Variants in PCNX1 observed in about 807,000 individuals in gnomAD.
PCNX1 encodes pecanex-like protein 1.
In PCNX1, 78 loss-of-function variants were observed where a neutral mutation model predicts 242.2. That is an observed-to-expected ratio of 0.32 (90% CI 0.27 to 0.39). PCNX1 has a LOEUF of 0.39. Ranked by LOEUF, PCNX1 falls within the 10% of genes least tolerant of loss-of-function variation. The probability of loss-of-function intolerance (pLI) is 1.00; values close to 1 mark genes in which losing one functional copy is unlikely to be tolerated. For synonymous variants in PCNX1, 1,024 were observed against 1,032.9 expected, an observed-to-expected ratio of 0.99 and a Z score of 0.17; for missense variants, 2,581 against 2,856.5, an observed-to-expected ratio of 0.90 and a Z score of 2.20.
intron 16 of PCNX1, chr14:71,032,046 G>C: frequency 1.3e-6 from 1 of 764,312 alleles, no homozygotes; most frequent in Admixed American, 2.0e-5. Context: ...AGAGTGGAAA[G>C]ATTAATAGAC....
At chr14:71,077,676 G>A (rs1204867781) in intron 28 of PCNX1, among the ~76,000 whole-genome samples, 1 of 151,974 alleles carries the variant, frequency 6.6e-6, no homozygotes, top group Non-Finnish European at 1.5e-5. Flanking sequence ...CTCACAAAAG[G>A]TTCAGAAGAC....
At chr14:71,095,159 A>G (rs1012742806) in intron 30 of PCNX1, among the ~76,000 whole-genome samples, 4 of 152,064 alleles carry the variant, frequency 2.6e-5, no homozygotes, top group Non-Finnish European at 4.4e-5. Flanking sequence ...TTTCCTCCTT[A>G]TTTATTTTCC....
chr14:71,008,357 C>CT (rs967248569), intron 8 of PCNX1, among the ~76,000 whole-genome samples: 3 of 152,000 alleles, frequency 2.0e-5, no homozygotes, highest in Non-Finnish European at 4.4e-5. Context: ...CAACATTGAC[C>CT]TTTAAGATTC....
intron 7 of PCNX1, among the ~76,000 whole-genome samples, chr14:70,994,396 G>GATATAGATATATATATATATATATATAT (rs1555357280): frequency 1.0e-5 from 1 of 96,970 alleles, no homozygotes; most frequent in Non-Finnish European, 2.2e-5. Flanking sequence ...ACAGGCTTAA[G>GATATAGATATATATATATATATATATAT]ATATATATAT....
chr14:70,909,145 C>T (rs1015006930), intron 1 of PCNX1, among the ~76,000 whole-genome samples: 1 of 152,106 alleles, frequency 6.6e-6, no homozygotes, highest in South Asian at 2.1e-4. Context: ...CAATTCTTCC[C>T]TAAGTGAAGT....
intron 12 of PCNX1, among the ~76,000 whole-genome samples, chr14:71,021,898 G>A (rs1489407685): frequency 6.6e-6 from 1 of 151,740 alleles, no homozygotes; most frequent in Admixed American, 6.6e-5. Context: ...TATCTTCTCG[G>A]TTTACAGTTC....
At position 71,112,229 on chromosome 14, in the gene PCNX1, GC is replaced by G. The variant is rs1443045497; in HGVS notation, c.*2298del. The G allele has an allele frequency of 6.6e-6, 1 of 151,878 alleles. No homozygotes were observed. The highest frequency in any genetic ancestry group is 1.5e-5 in the Non-Finnish European group (1 of 67,868). The allele number at this position is 151,878 out of a possible 1,614,324, so 9.4% of individuals were successfully genotyped here. On this transcript the variant is annotated 3_prime_UTR_variant, in exon 36 of 36. Transcript: ENST00000304743. ...AAGGGCTAGAATTTTTTAATTTCTA[GC>G]CCCTCCTCCAAAAAAATTTTAAACA...
At position 71,112,350 on chromosome 14, in the gene PCNX1, A is replaced by ATATT. The variant is rs1431766552; in HGVS notation, c.*2417_*2420dup. The ATATT allele has an allele frequency of 6.6e-6, 1 of 152,102 alleles. No homozygotes were observed. The highest frequency in any genetic ancestry group is 1.5e-5 in the Non-Finnish European group (1 of 67,934). 9.4% of individuals were successfully genotyped at this position (152,102 alleles called of 1,614,324 possible). A position where few individuals can be genotyped will look rare whatever the true frequency, so the allele number is the denominator to read the frequency against. ...TTTGATTTTGGGTAGCAATTGACATATATTTTTCTCAAAACAAGTTGAATT... is the reference window on the plus strand; with the variant it reads ...TTTGATTTTGGGTAGCAATTGACATATATTTATTTTTCTCAAAACAAGTTGAATT... On this transcript the variant is annotated 3_prime_UTR_variant, in exon 36 of 36. Transcript: ENST00000304743.
chr14:70,929,147 G>A (rs1379216503), intron 1 of PCNX1, among the ~76,000 whole-genome samples: 1 of 151,842 alleles, frequency 6.6e-6, no homozygotes, highest in African/African-American at 2.4e-5. Context: ...TACCCTTTTG[G>A]GATTACATGA....
intron 28 of PCNX1, among the ~76,000 whole-genome samples, chr14:71,078,209 C>G (rs1341160179): frequency 6.6e-6 from 1 of 152,170 alleles, no homozygotes; most frequent in African/African-American, 2.4e-5. Context: ...CCCATCTGCT[C>G]TAGTTTCTCT....
At chr14:71,026,579 A>G (rs1205730508) in intron 14 of PCNX1, among the ~76,000 whole-genome samples, 193 bp from the exon 15 acceptor site, 1 of 152,100 alleles carries the variant, frequency 6.6e-6, no homozygotes, top group Non-Finnish European at 1.5e-5. Context: ...TTTAAAAAGT[A>G]TTGTTTATGA....
In PCNX1 at chr14:71,038,794, T is replaced by C. The variant is rs1168044224; in HGVS notation, c.3867+2637T>C. On this transcript the variant is annotated intron_variant, in intron 19 of 35. Transcript: ENST00000304743. ...ACACGTATGTTTATTGTGGCATTAT[T>C]CACAATAGCAAAGACTTGGAACCAA... 5.3e-5 allele frequency among the ~76,000 whole-genome samples: 8 copies of C among 151,884 alleles called. 1 individual carries two copies. The highest frequency in any genetic ancestry group is 1.2e-4 in the Non-Finnish European group (8 of 68,004).
intron 7 of PCNX1, among the ~76,000 whole-genome samples, chr14:70,994,761 C>G (rs1357151265): frequency 6.6e-6 from 1 of 151,416 alleles, no homozygotes; most frequent in African/African-American, 2.4e-5. Flanking sequence ...TTAAATTTGA[C>G]TAAATATTAT....
At chr14:70,937,208 C>T (rs996315430) in intron 1 of PCNX1, among the ~76,000 whole-genome samples, 7 of 152,126 alleles carry the variant, frequency 4.6e-5, no homozygotes, top group African/African-American at 1.7e-4. Context: ...AGTCCTTACC[C>T]ATGCCTATGT....
At chr14:71,094,332 G>A (rs1169338746) in intron 30 of PCNX1, among the ~76,000 whole-genome samples, 1 of 152,184 alleles carries the variant, frequency 6.6e-6, no homozygotes, top group African/African-American at 2.4e-5. Flanking sequence ...TGAGGTGATG[G>A]AAATGCTCTA....
chr14:71,080,895 C>T (rs2061837812), intron 28 of PCNX1, among the ~76,000 whole-genome samples: 1 of 152,164 alleles, frequency 6.6e-6, no homozygotes. Flanking sequence ...TCTAGAACTT[C>T]CAATACTGTG....
intron 28 of PCNX1, among the ~76,000 whole-genome samples, chr14:71,083,927 G>A (rs1281891252): frequency 1.3e-5 from 2 of 152,138 alleles, no homozygotes; most frequent in Non-Finnish European, 2.9e-5. Context: ...AGGAGAAAAG[G>A]CATTCTGGTT....
At chr14:71,044,186 T>C (rs978024420) in intron 19 of PCNX1, among the ~76,000 whole-genome samples, 6 of 152,108 alleles carry the variant, frequency 3.9e-5, no homozygotes, top group African/African-American at 7.2e-5. Context: ...GGATGCTAGG[T>C]AGGCTAGTCC....
chr14:70,963,629 T>C (rs1240598190), intron 3 of PCNX1, among the ~76,000 whole-genome samples: 1 of 152,242 alleles, frequency 6.6e-6, no homozygotes, highest in Non-Finnish European at 1.5e-5. Flanking sequence ...CTGATTAGCA[T>C]GTTCATGATT....
Sources: allele counts gnomAD v4.1 joint callset (sites outside exome capture counted in the v4.1 genomes callset), GRCh38; gene constraint gnomAD v4.1.1; transcripts MANE v1.5; gene names NCBI Gene and HGNC (gene_info 2026-07-23, HGNC 2026-07-21).